The following RPS6KB1 variants were observed in gnomAD, a reference collection of about 807,000 sequenced individuals.
RPS6KB1 encodes ribosomal protein S6 kinase beta-1.
Under a neutral mutation model 70.2 loss-of-function variants are expected in RPS6KB1, and 12 were observed. That is an observed-to-expected ratio of 0.17 (90% confidence interval 0.11 to 0.28). The LOEUF is 0.28. RPS6KB1 is among the 10% of genes least tolerant of loss of function. The probability of loss-of-function intolerance (pLI) is 1.00; values close to 1 mark genes in which losing one functional copy is unlikely to be tolerated. For synonymous variants in RPS6KB1, 175 were observed against 211.2 expected (o/e 0.83, Z 1.49); for missense variants, 270 against 646.6 (o/e 0.42, Z 6.32).
At chr17:59,917,175 G>A (rs2043007661) in intron 4 of RPS6KB1, among the ~76,000 whole-genome samples, 1 of 152,102 alleles carries the variant, frequency 6.6e-6, no homozygotes, top group Non-Finnish European at 1.5e-5. Context: ...CAGGAGTGCG[G>A]TGACACAATT....
In RPS6KB1 at chr17:59,930,477, A is replaced by G. The variant is rs573437095; in HGVS notation, c.587+303A>G. On this transcript the variant is annotated intron_variant, in intron 6 of 14. Transcript: ENST00000225577. ...TGTGGGTGAGTGTGGTTTCCCAGTG[A>G]ACCTTTATGTGTGGAACAATGGAAA... 7 of 302,104 alleles carry G rather than the reference A, an allele frequency of 2.3e-5. No individual in the cohort carries two copies. The Admixed American group carries it at 2.9e-4, about 12-fold the overall frequency. 18.7% of individuals were successfully genotyped at this position (302,104 alleles called of 1,614,324 possible).
At chr17:59,936,582 A>T (rs747279297) in intron 12 of RPS6KB1, 41 bp downstream of exon 12, 1 of 1,529,854 alleles carries the variant, frequency 6.5e-7, no homozygotes, top group Non-Finnish European at 9.1e-7. Context: ...GCAGTGGCTC[A>T]CGCCTGTAAT....
chr17:59,912,744 A>G lies in RPS6KB1; in HGVS notation c.252A>G (p.Glu84=), dbSNP rs2042722214. 1 of 1,614,148 alleles carries G rather than the reference A, an allele frequency of 6.2e-7. No individual in the cohort carries two copies. ...ISETSVNRGP[E]KIRPECFELL... ...AAACTAGTGTGAACAGAGGGCCAGA[A>G]AAAATCAGACCAGAATGTTTTGAGC... The change falls in exon 3 of 15, where the codon GAA becomes GAG. Residue 84 remains glutamate, a synonymous_variant. Transcript: ENST00000225577.
intron 1 of RPS6KB1, among the ~76,000 whole-genome samples, chr17:59,899,962 C>T (rs1021665770): frequency 2.4e-4 from 36 of 151,770 alleles, no homozygotes; most frequent in East Asian, 1.5e-3. Flanking sequence ...GCCAAGAGTT[C>T]GAGACCAACC....
In RPS6KB1 at chr17:59,947,324, A is replaced by T; in HGVS notation, c.*536A>T. On this transcript the variant is annotated 3_prime_UTR_variant, in exon 15 of 15. Coordinates refer to ENST00000225577, the MANE Select transcript of RPS6KB1 (RefSeq NM_003161.4). ...TTTTTATATAAATATATATTTTTCA[A>T]ATAGATTTTTGATTCAGCTCATTAT... 1 of 1,064,048 alleles carries T rather than the reference A, an allele frequency of 9.4e-7. No individual in the cohort carries two copies. The highest frequency in any genetic ancestry group is 1.2e-6 in the Non-Finnish European group (1 of 863,534). The allele number at this position is 1,064,048 out of a possible 1,614,324, so 65.9% of individuals were successfully genotyped here.
chr17:59,934,198 A>G lies in RPS6KB1; in HGVS notation c.717A>G (p.Leu239=), dbSNP rs751653442. 8.7e-6 allele frequency: 14 copies of G among 1,609,654 alleles called. No homozygotes were observed. Among genetic ancestry groups the G allele is most frequent in the Middle Eastern group, 1.6e-4 (1 of 6,068 alleles). The change falls in exon 8 of 15, where the codon CTA becomes CTG. Residue 239 remains leucine, a synonymous_variant. Transcript: ENST00000225577. This position sits in a 1 kb window ranked among gnomAD's most constrained non-coding sequence, Gnocchi z 4.8. The stretch of plus-strand genomic sequence containing the variant: ...ATGTGAAACTAACAGACTTTGGACT[A>G]TGCAAAGAATCTATTCATGATGGAA... The part of the protein sequence containing the change: ...QGHVKLTDFG[L]CKESIHDGTV...
chr17:59,912,335 C>T (rs183647126), intron 2 of RPS6KB1: 104 of 223,896 alleles, frequency 4.6e-4, no homozygotes, highest in African/African-American at 2.2e-3. Flanking sequence ...TATCAGTAAA[C>T]GAAGGATATA....
chr17:59,910,661 G>C, intron 2 of RPS6KB1, 50 bp downstream of exon 2: 1 of 1,162,650 alleles, frequency 8.6e-7, no homozygotes, highest in East Asian at 2.4e-5. Context: ...TTACAAGTAG[G>C]TTTTATCAGT....
At chr17:59,936,441 T>A (rs772240695) in intron 11 of RPS6KB1, 23 bp from the exon 12 acceptor site, 2 of 1,610,820 alleles carry the variant, frequency 1.2e-6, no homozygotes, top group African/African-American at 2.7e-5. Flanking sequence ...CCTCAACTTT[T>A]CTTCCTGCTT....
chr17:59,946,095 T>C lies in RPS6KB1; in HGVS notation c.1341-456T>C, dbSNP rs1219838396. ...CCTACAAAAATAGGAGGTATAAGAA[T>C]GTTGCAGGCAGAAGAACAGCAAATG... On this transcript the variant is annotated intron_variant, in intron 14 of 14. Coordinates refer to ENST00000225577, the MANE Select transcript of RPS6KB1 (RefSeq NM_003161.4). This position sits in a 1 kb window ranked among gnomAD's most constrained non-coding sequence, Gnocchi z 4.2. 6.6e-6 allele frequency among the ~76,000 whole-genome samples: 1 copy of C among 151,922 alleles called. No individual in the cohort carries two copies. Among genetic ancestry groups the C allele is most frequent in the African/African-American group, 2.4e-5 (1 of 41,346 alleles).
In RPS6KB1 at chr17:59,949,847, T is replaced by C. The variant is rs1276302380; in HGVS notation, c.*3059T>C. The C allele has an allele frequency of 6.6e-6, 1 of 152,308 alleles. No homozygotes were observed. The highest frequency in any genetic ancestry group is 2.4e-5 in the African/African-American group (1 of 41,350). The allele number at this position is 152,308 out of a possible 1,614,324, so 9.4% of individuals were successfully genotyped here. On this transcript the variant is annotated 3_prime_UTR_variant, in exon 15 of 15. Coordinates refer to ENST00000225577, the MANE Select transcript of RPS6KB1 (RefSeq NM_003161.4). ...CAAGATGCATCTTAGATAGTATTAA[T>C]ATACTGAGCCTTGGATTATATATTT... is the stretch of plus-strand genomic sequence containing the variant.
intron 13 of RPS6KB1, among the ~76,000 whole-genome samples, chr17:59,942,072 ATAGTTT>A: frequency 6.6e-6 from 1 of 151,910 alleles, no homozygotes; most frequent in Admixed American, 6.6e-5. Context: ...GTTAGCCAGG[ATAGTTT>A]TGATCTCCTG....
Position 59,893,167 on chromosome 17 carries a change from T to A in RPS6KB1, c.-18T>A. 6.5e-7 allele frequency: 1 copy of A among 1,538,986 alleles called. No individual in the cohort carries two copies. Among genetic ancestry groups the A allele is most frequent in the Non-Finnish European group, 8.8e-7 (1 of 1,142,382 alleles). On this transcript the variant is annotated 5_prime_UTR_variant, in exon 1 of 15. Transcript: ENST00000225577. The surrounding 1 kb of genome is among the most constrained non-coding windows in gnomAD (Gnocchi z 4.1). ...TGATGGCGGCAGCGGCTGTGGTGGC[T>A]GCGGCGGGTCCGGGCCCATGAGGCG...
At position 59,934,699 on chromosome 17, in the gene RPS6KB1, C is replaced by G; in HGVS notation, c.870+175C>G. 1.9e-6 allele frequency: 1 copy of G among 533,454 alleles called. No individual in the cohort carries two copies. The highest frequency in any genetic ancestry group is 3.3e-6 in the Non-Finnish European group (1 of 303,480). 33.0% of individuals were successfully genotyped at this position (533,454 alleles called of 1,614,324 possible). The stretch of plus-strand genomic sequence containing the variant: ...ATGATTATATGGGATCCCATACTTT[C>G]CGAAACATTTTCTTTTAAATGATCT... On this transcript the variant is annotated intron_variant, in intron 9 of 14. Transcript: ENST00000225577. This position sits in a 1 kb window ranked among gnomAD's most constrained non-coding sequence, Gnocchi z 4.8.
Position 59,946,874 on chromosome 17 carries a change from GAC to G in RPS6KB1, c.*88_*89del, listed in dbSNP as rs1598849324. ...CCTGCAAGGTGAAACGACTCAAAAT[GAC>G]AGTTTCAGAGAGTCAATGTCATTAC... On this transcript the variant is annotated 3_prime_UTR_variant, in exon 15 of 15. Coordinates refer to ENST00000225577, the MANE Select transcript of RPS6KB1 (RefSeq NM_003161.4). This position sits in a 1 kb window ranked among gnomAD's most constrained non-coding sequence, Gnocchi z 4.2. 7 of 1,584,374 alleles carry G rather than the reference GAC, an allele frequency of 4.4e-6. No individual in the cohort carries two copies. Among genetic ancestry groups the G allele is most frequent in the Non-Finnish European group, 6.0e-6 (7 of 1,162,900 alleles).
intron 4 of RPS6KB1, among the ~76,000 whole-genome samples, chr17:59,921,749 T>C (rs1167262952): frequency 1.3e-5 from 2 of 151,910 alleles, no homozygotes; most frequent in East Asian, 3.9e-4. Context: ...AGCAAAAATA[T>C]ACCATGGAAG....
intron 10 of RPS6KB1, 123 bp downstream of exon 10, chr17:59,935,423 T>G (rs980751831): frequency 2.0e-5 from 11 of 554,834 alleles, no homozygotes; most frequent in Non-Finnish European, 3.5e-5. Context: ...AGTCTTCAAT[T>G]TTTGAAGGCG....
chr17:59,906,771 G>T (rs889352630), intron 1 of RPS6KB1, among the ~76,000 whole-genome samples: 2 of 151,970 alleles, frequency 1.3e-5, no homozygotes, highest in African/African-American at 2.4e-5. Flanking sequence ...CTCGCTCACC[G>T]CAACGTCTGC....
chr17:59,934,750 A>G lies in RPS6KB1; in HGVS notation c.870+226A>G. 1 of 504,260 alleles carries G rather than the reference A, an allele frequency of 2.0e-6. No homozygotes were observed. Among genetic ancestry groups the G allele is most frequent in the Non-Finnish European group, 3.5e-6 (1 of 286,854 alleles). The allele number at this position is 504,260 out of a possible 1,614,324, so 31.2% of individuals were successfully genotyped here. A position where few individuals can be genotyped will look rare whatever the true frequency, so the allele number is the denominator to read the frequency against. ...ATGTCATGGCAGGCCTGTGAAATAG[A>G]TGTTGAATAGATAATGCCCTTATTT... On this transcript the variant is annotated intron_variant, in intron 9 of 14. Coordinates refer to ENST00000225577, the MANE Select transcript of RPS6KB1 (RefSeq NM_003161.4). This position sits in a 1 kb window ranked among gnomAD's most constrained non-coding sequence, Gnocchi z 4.8.
Sources: allele counts gnomAD v4.1 joint callset (sites outside exome capture counted in the v4.1 genomes callset), GRCh38; gene constraint gnomAD v4.1.1; non-coding constraint Gnocchi (gnomAD v3.1); transcripts MANE v1.5; gene names NCBI Gene and HGNC (gene_info 2026-07-23, HGNC 2026-07-21).